HRH1: variants seen among roughly 807,000 people sequenced by gnomAD.
The protein encoded by HRH1 is histamine H1 receptor.
HRH1 carries 6 observed loss-of-function variants against 10.3 expected under a neutral mutation model. The ratio of observed to expected loss-of-function variants is 0.58; its 90% CI spans 0.32 to 1.15. The LOEUF (loss-of-function observed/expected upper bound fraction) is 1.15. HRH1 is among the 50% of genes most tolerant of loss of function. The probability of loss-of-function intolerance (pLI) is 0.05; values close to 1 mark genes in which losing one functional copy is unlikely to be tolerated. For missense variants in HRH1, 514 were observed against 615.3 expected (o/e 0.84, Z 1.74); for synonymous variants, 242 against 236.7 (o/e 1.02, Z -0.21).
chr3:11,192,343 G>GTT (rs112348248), intron 1 of HRH1, among the ~76,000 whole-genome samples: 4 of 151,740 alleles, frequency 2.6e-5, no homozygotes, highest in Non-Finnish European at 4.4e-5. Flanking sequence ...TTTTATGCTG[G>GTT]TTTTTTTCGC....
chr3:11,227,600 T>C (rs990636378), intron 1 of HRH1, among the ~76,000 whole-genome samples: 4 of 152,076 alleles, frequency 2.6e-5, no homozygotes, highest in Non-Finnish European at 5.9e-5. Flanking sequence ...CTTTTCATTA[T>C]GTAAATACAC....
intron 1 of HRH1, among the ~76,000 whole-genome samples, chr3:11,227,015 G>A (rs540650264): frequency 6.6e-6 from 1 of 152,332 alleles, no homozygotes; most frequent in South Asian, 2.1e-4. Context: ...AGAGTTTTGA[G>A]TAGGGGAACT....
chr3:11,215,767 G>T lies in HRH1; in HGVS notation c.-35-43236G>T, dbSNP rs534366352. Among the ~76,000 whole-genome samples the T allele has an allele frequency of 1.3e-5, 2 of 152,288 alleles. 1 individual carries two copies. Among genetic ancestry groups the T allele is most frequent in the Admixed American group, 1.3e-4 (2 of 15,302 alleles). ...GGTCACTGTGTTTTACAAGTGGCAG[G>T]GGTGAGGGACTTTGACTAATTCAGT... On this transcript the variant is annotated intron_variant, in intron 1 of 1. Transcript: ENST00000431010.
intron 1 of HRH1, among the ~76,000 whole-genome samples, chr3:11,157,495 G>A (rs1398739075): frequency 6.6e-6 from 1 of 152,098 alleles, no homozygotes; most frequent in Admixed American, 6.6e-5. Flanking sequence ...CTGAATCTCG[G>A]GATGTAATTA....
chr3:11,175,745 G>C (rs997627684), intron 1 of HRH1, among the ~76,000 whole-genome samples: 1 of 152,154 alleles, frequency 6.6e-6, no homozygotes, highest in Non-Finnish European at 1.5e-5. Flanking sequence ...AATACAGATG[G>C]ATACACACAT....
chr3:11,199,446 C>CTA (rs1937813743), intron 1 of HRH1, among the ~76,000 whole-genome samples: 1 of 152,120 alleles, frequency 6.6e-6, no homozygotes, highest in South Asian at 2.1e-4. Flanking sequence ...GGCTAATGCC[C>CTA]ATTCTCCCCT....
chr3:11,256,083 A>G (rs575159391), intron 1 of HRH1, among the ~76,000 whole-genome samples: 1 of 152,254 alleles, frequency 6.6e-6, no homozygotes, highest in East Asian at 1.9e-4. Context: ...ATAGGAGGTG[A>G]TGGCTGAGGG....
chr3:11,215,557 C>T (rs1225830044), intron 1 of HRH1, among the ~76,000 whole-genome samples: 1 of 152,254 alleles, frequency 6.6e-6, no homozygotes, highest in Non-Finnish European at 1.5e-5. Context: ...TCTCCTGCCT[C>T]AGCCTCCCAA....
At chr3:11,200,915 G>A (rs1450911441) in intron 1 of HRH1, among the ~76,000 whole-genome samples, 2 of 152,220 alleles carry the variant, frequency 1.3e-5, no homozygotes, top group Non-Finnish European at 2.9e-5. Context: ...GTGCAGAGCT[G>A]TGAAATAGAG....
intron 1 of HRH1, among the ~76,000 whole-genome samples, chr3:11,178,631 C>T (rs1053029868): frequency 6.6e-6 from 1 of 152,276 alleles, no homozygotes; most frequent in African/African-American, 2.4e-5. Context: ...CTTTGACAGA[C>T]GACTGTTGAG....
chr3:11,231,972 G>T (rs1436998961), intron 1 of HRH1, among the ~76,000 whole-genome samples: 3 of 151,188 alleles, frequency 2.0e-5, no homozygotes, highest in African/African-American at 7.3e-5. Flanking sequence ...ACACTTAATG[G>T]TCTGTGGAGC....
At chr3:11,239,275 A>G (rs929162685) in intron 1 of HRH1, among the ~76,000 whole-genome samples, 5 of 152,206 alleles carry the variant, frequency 3.3e-5, no homozygotes, top group Admixed American at 6.5e-5. Flanking sequence ...GATGTTGAAC[A>G]TCCTTTCATG....
chr3:11,191,251 A>G, intron 1 of HRH1, among the ~76,000 whole-genome samples: 1 of 152,192 alleles, frequency 6.6e-6, no homozygotes, highest in South Asian at 2.1e-4. Flanking sequence ...CTTGCAGTCA[A>G]CATATCCTGC....
chr3:11,221,013 C>T (rs1414677255), intron 1 of HRH1, among the ~76,000 whole-genome samples: 1 of 152,112 alleles, frequency 6.6e-6, no homozygotes, highest in Admixed American at 6.5e-5. Flanking sequence ...TCTCTGGAGT[C>T]ACTACCCCCA....
intron 1 of HRH1, among the ~76,000 whole-genome samples, chr3:11,156,958 C>G (rs1461701106): frequency 1.3e-5 from 2 of 152,230 alleles, no homozygotes; most frequent in Admixed American, 1.3e-4. Context: ...GACTTGAAGT[C>G]TCAGTGTGGA....
At chr3:11,233,897 A>G (rs962561973) in intron 1 of HRH1, among the ~76,000 whole-genome samples, 3 of 152,218 alleles carry the variant, frequency 2.0e-5, no homozygotes, top group Non-Finnish European at 4.4e-5. Flanking sequence ...TACTAAAAGG[A>G]ATATAATGAA....
intron 1 of HRH1, among the ~76,000 whole-genome samples, chr3:11,174,451 A>G (rs1196306972): frequency 6.6e-6 from 1 of 152,196 alleles, no homozygotes; most frequent in Non-Finnish European, 1.5e-5. Context: ...CGTGGCTCAA[A>G]GTCTTTCTGG....
intron 1 of HRH1, among the ~76,000 whole-genome samples, chr3:11,190,894 A>G (rs933722485): frequency 6.6e-6 from 1 of 152,116 alleles, no homozygotes; most frequent in African/African-American, 2.4e-5. Context: ...CCTGGTCCGC[A>G]TTTGGGCCTC....
rs149832003 is a variant in HRH1 at position 11,193,612 on chromosome 3, G to A, written c.-36+39058G>A. ...CTTAGTCCATTCAGGCTGCTATAACGAAATGTCATAAACTGGTTGTCTTAT... is the reference window on the plus strand; with the variant it reads ...CTTAGTCCATTCAGGCTGCTATAACAAAATGTCATAAACTGGTTGTCTTAT... On this transcript the variant is annotated intron_variant, in intron 1 of 1. Coordinates refer to ENST00000431010, the MANE Select transcript of HRH1 (RefSeq NM_001098212.2). Among the ~76,000 whole-genome samples the A allele has an allele frequency of 6.5e-3, 980 of 150,546 alleles. 9 individuals are homozygous for A. The highest frequency in any genetic ancestry group is 0.023 in the African/African-American group (949 of 40,902).
Sources: gnomAD v4.1 joint callset for allele counts (sites outside exome capture counted in the v4.1 genomes callset) on GRCh38, gnomAD v4.1.1 for gene constraint, MANE v1.5 for transcripts, NCBI Gene and HGNC (gene_info 2026-07-23, HGNC 2026-07-21) for gene names.